The following DOCK1 variants were observed in gnomAD, a reference collection of about 807,000 sequenced individuals.
DOCK1 encodes the protein dedicator of cytokinesis protein 1.
In DOCK1, 138 loss-of-function variants were observed where a neutral mutation model predicts 262.7. The ratio of observed to expected loss-of-function variants is 0.53; its 90% CI spans 0.46 to 0.61. DOCK1 has a LOEUF of 0.61. Among genes scored for constraint, DOCK1 ranks in the 20% least tolerant of loss-of-function variants. DOCK1 has a pLI of 0.00. For missense variants in DOCK1, 1,908 were observed against 2,370.7 expected (o/e 0.80, Z 4.05); for synonymous variants, 866 against 867.4 (o/e 1.00, Z 0.03).
At chr10:127,269,122 C>T (rs1268425054) in intron 29 of DOCK1, among the ~76,000 whole-genome samples, 3 of 152,146 alleles carry the variant, frequency 2.0e-5, no homozygotes, top group Non-Finnish European at 4.4e-5. Context: ...TTACCCCGTG[C>T]TGTAGTTTCT....
At chr10:126,980,036 G>T (rs957151362) in intron 3 of DOCK1, among the ~76,000 whole-genome samples, 15 of 152,102 alleles carry the variant, frequency 9.9e-5, no homozygotes, top group Non-Finnish European at 2.9e-5. Flanking sequence ...ACTGGGACTG[G>T]TTTTTTGTTT....
chr10:127,154,862 G>T (rs2052884711), intron 27 of DOCK1, among the ~76,000 whole-genome samples: 1 of 152,172 alleles, frequency 6.6e-6, no homozygotes, highest in Non-Finnish European at 1.5e-5. Context: ...TCTGGACCAG[G>T]CTGGAGTTGC....
chr10:126,972,167 C>T (rs113623415), intron 2 of DOCK1, among the ~76,000 whole-genome samples: 13,341 of 152,096 alleles, frequency 0.088, 649 homozygotes, highest in African/African-American at 0.11. Flanking sequence ...TTGCCCGCCT[C>T]GGCCTCCCAA....
chr10:127,121,135 G>A (rs2049533889), intron 25 of DOCK1, among the ~76,000 whole-genome samples: 1 of 152,070 alleles, frequency 6.6e-6, no homozygotes, highest in Admixed American at 6.5e-5. Context: ...ATCCCATAAA[G>A]TGACCCAGGT....
chr10:127,285,806 G>C (rs1159484051), intron 29 of DOCK1, among the ~76,000 whole-genome samples: 1 of 152,186 alleles, frequency 6.6e-6, no homozygotes, highest in African/African-American at 2.4e-5. Context: ...CCTCCTGCTT[G>C]ACGACCTGTT....
At chr10:127,411,169 C>T (rs2067824563) in intron 43 of DOCK1, among the ~76,000 whole-genome samples, 1 of 152,146 alleles carries the variant, frequency 6.6e-6, no homozygotes, top group Admixed American at 6.5e-5. Context: ...GTCCAAATGC[C>T]GGAGCTCCCA....
intron 28 of DOCK1, among the ~76,000 whole-genome samples, chr10:127,248,414 A>C (rs970227446): frequency 3.9e-5 from 6 of 152,120 alleles, no homozygotes; most frequent in African/African-American, 1.4e-4. Context: ...AAATTTGGAG[A>C]TGTTATCCAT....
intron 29 of DOCK1, among the ~76,000 whole-genome samples, chr10:127,317,233 G>A (rs2062323944): frequency 1.3e-5 from 2 of 152,202 alleles, no homozygotes; most frequent in Admixed American, 1.3e-4. Context: ...AAAATCCCAA[G>A]TTAAAAACAG....
intron 10 of DOCK1, chr10:127,001,700 G>A (rs1377959008): frequency 6.5e-6 from 1 of 153,538 alleles, no homozygotes; most frequent in African/African-American, 2.4e-5. Flanking sequence ...TAGACATTAT[G>A]AGAGCAGCAT....
At chr10:127,420,177 G>T (rs1161810311) in intron 46 of DOCK1, among the ~76,000 whole-genome samples, 1 of 152,330 alleles carries the variant, frequency 6.6e-6, no homozygotes, top group Non-Finnish European at 1.5e-5. Flanking sequence ...TGTTCTCCGT[G>T]CACCTCTGGC....
chr10:127,407,093 A>G lies in DOCK1; in HGVS notation c.4123-1944A>G, dbSNP rs1042140320. On this transcript the variant is annotated intron_variant, in intron 40 of 51. Transcript: ENST00000623213. ...ATAATGGTACTTCTAAGACATATCT[A>G]AGCACAAAGTGAAAAAGAATTCAAT... Among the ~76,000 whole-genome samples, 7 of 152,074 alleles carry G rather than the reference A, an allele frequency of 4.6e-5. No homozygotes were observed. In the South Asian group the frequency reaches 1.5e-3, roughly 32 times the overall value.
At chr10:127,253,768 G>C (rs1244422997) in intron 28 of DOCK1, among the ~76,000 whole-genome samples, 4 of 151,552 alleles carry the variant, frequency 2.6e-5, no homozygotes, top group Non-Finnish European at 5.9e-5. Flanking sequence ...TCAGCTACTT[G>C]GGAGGCTGAG....
chr10:127,448,630 A>G (rs547639434), intron 51 of DOCK1, among the ~76,000 whole-genome samples: 1 of 152,256 alleles, frequency 6.6e-6, no homozygotes, highest in South Asian at 2.1e-4. Context: ...TTTGACAATT[A>G]AATCAGTGGT....
chr10:127,263,682 A>G (rs1244782336), intron 29 of DOCK1, among the ~76,000 whole-genome samples: 2 of 152,026 alleles, frequency 1.3e-5, no homozygotes, highest in African/African-American at 4.8e-5. Flanking sequence ...GTTGGCACCT[A>G]CATGCTGGTA....
At chr10:126,951,366 T>C (rs2036218628) in intron 1 of DOCK1, among the ~76,000 whole-genome samples, 1 of 151,690 alleles carries the variant, frequency 6.6e-6, no homozygotes, top group Admixed American at 6.6e-5. Flanking sequence ...ATAGTATTGG[T>C]AGTGGTGGTG....
intron 27 of DOCK1, among the ~76,000 whole-genome samples, chr10:127,229,705 T>C (rs1432702259): frequency 6.6e-6 from 1 of 152,226 alleles, no homozygotes; most frequent in Non-Finnish European, 1.5e-5. Flanking sequence ...AGTGCAAATA[T>C]GTCTTCAACA....
At position 127,434,395 on chromosome 10, in the gene DOCK1, G is replaced by A. The variant is rs549106193; in HGVS notation, c.5060+967G>A. On this transcript the variant is annotated intron_variant, in intron 48 of 51. Coordinates refer to ENST00000623213, the MANE Select transcript of DOCK1 (RefSeq NM_001290223.2). ...GCCACCCAGGCTGGAATGCAGTGGT[G>A]TGATCACAGCTCACTGCAGCCTCCA... Among the ~76,000 whole-genome samples the A allele has an allele frequency of 4.6e-5, 7 of 152,208 alleles. No individual in the cohort carries two copies. The South Asian group carries it at 1.5e-3, about 32-fold the overall frequency.
intron 1 of DOCK1, among the ~76,000 whole-genome samples, chr10:126,907,978 A>G (rs1227971312): frequency 6.6e-6 from 1 of 152,242 alleles, no homozygotes; most frequent in Non-Finnish European, 1.5e-5. Flanking sequence ...AGGAAATGCT[A>G]GGAAAGATGT....
chr10:127,069,749 C>T (rs1036195825), intron 23 of DOCK1, among the ~76,000 whole-genome samples: 6 of 152,188 alleles, frequency 3.9e-5, no homozygotes, highest in African/African-American at 7.2e-5. Context: ...GGAAGGACTA[C>T]ACTTGTTGAG....
Sources: gnomAD v4.1 joint callset for allele counts (sites outside exome capture counted in the v4.1 genomes callset) on GRCh38, gnomAD v4.1.1 for gene constraint, MANE v1.5 for transcripts, NCBI Gene and HGNC (gene_info 2026-07-23, HGNC 2026-07-21) for gene names.